Variants in KLF12 observed in about 807,000 individuals in gnomAD.
The protein encoded by KLF12 is Krueppel-like factor 12.
A neutral mutation model predicts 37.8 loss-of-function variants in KLF12; 9 were observed. The ratio of observed to expected loss-of-function variants is 0.24; its 90% CI spans 0.14 to 0.42. The LOEUF (loss-of-function observed/expected upper bound fraction) is 0.42. KLF12 is among the 10% of genes least tolerant of loss of function. KLF12 has a pLI of 1.00. For synonymous variants in KLF12, 208 were observed against 202.1 expected (o/e 1.03, Z -0.25); for missense variants, 411 against 516.0 (o/e 0.80, Z 1.97).
At chr13:73,870,905 C>T (rs1886430885) in intron 3 of KLF12, among the ~76,000 whole-genome samples, 1 of 152,100 alleles carries the variant, frequency 6.6e-6, no homozygotes, top group African/African-American at 2.4e-5. Context: ...CAGATAGTTT[C>T]TTTGGGGAAA....
intron 4 of KLF12, chr13:73,844,545 T>A: frequency 6.6e-6 from 1 of 152,204 alleles, no homozygotes; most frequent in African/African-American, 2.4e-5. Flanking sequence ...AATCATCAGA[T>A]TTTAGTTTGA....
intron 6 of KLF12, among the ~76,000 whole-genome samples, chr13:73,734,985 C>T (rs992450594): frequency 3.3e-5 from 5 of 152,088 alleles, no homozygotes; most frequent in African/African-American, 1.2e-4. Context: ...ATCCCACAAT[C>T]TCTCCCTTAA....
At chr13:74,196,855 T>C in the KLF12 span, among the ~76,000 whole-genome samples, 1 of 152,160 alleles carries the variant, frequency 6.6e-6, no homozygotes, top group Non-Finnish European at 1.5e-5. Context: ...TAATATTTGT[T>C]TAGAATTTAA....
chr13:74,001,473 G>A (rs1440566254), intron 1 of KLF12, among the ~76,000 whole-genome samples: 8 of 152,194 alleles, frequency 5.3e-5, no homozygotes, highest in Admixed American at 2.0e-4. Flanking sequence ...GCTAGGTACA[G>A]GACATTATGG....
At chr13:73,759,184 A>G (rs1004358418) in intron 6 of KLF12, among the ~76,000 whole-genome samples, 1 of 152,162 alleles carries the variant, frequency 6.6e-6, no homozygotes, top group Non-Finnish European at 1.5e-5. Context: ...CTTTGGAGAC[A>G]GCATGCTTCC....
intron 2 of KLF12, among the ~76,000 whole-genome samples, chr13:73,970,886 G>C (rs937368131): frequency 1.3e-5 from 2 of 152,050 alleles, no homozygotes; most frequent in African/African-American, 4.8e-5. Context: ...ATTTTTAATG[G>C]GTTAAATCAA....
the KLF12 span, among the ~76,000 whole-genome samples, chr13:74,252,156 T>C: frequency 0.013 from 2,022 of 152,314 alleles, 42 homozygotes; most frequent in African/African-American, 0.045. Flanking sequence ...AGTTATCCCT[T>C]AGTTGTTAAG....
chr13:73,876,307 A>C (rs148452089), intron 3 of KLF12, among the ~76,000 whole-genome samples: 2,736 of 152,272 alleles, frequency 0.018, 100 homozygotes, highest in Admixed American at 0.088. Context: ...GACTGTTTTC[A>C]GCTTTTAGTG....
intron 5 of KLF12, among the ~76,000 whole-genome samples, chr13:73,798,423 A>T (rs1158962195): frequency 6.6e-6 from 1 of 152,212 alleles, no homozygotes; most frequent in Non-Finnish European, 1.5e-5. Context: ...GACAAGTGGG[A>T]TTTAATTAAA....
At chr13:73,798,472 T>TA (rs1267742268) in intron 5 of KLF12, among the ~76,000 whole-genome samples, 1 of 151,514 alleles carries the variant, frequency 6.6e-6, no homozygotes, top group Non-Finnish European at 1.5e-5. Flanking sequence ...ATCGATGGAG[T>TA]AAAAAAACAA....
chr13:73,850,425 C>T (rs1216091214), intron 3 of KLF12, among the ~76,000 whole-genome samples: 1 of 152,124 alleles, frequency 6.6e-6, no homozygotes, highest in African/African-American at 2.4e-5. Flanking sequence ...TCCCAGAGTA[C>T]TAGATGTGTT....
rs980986456 is a variant in KLF12 at position 73,990,148 on chromosome 13, A to G, written c.33+4842T>C. ...AATTAAAAAGTTAAAGATGAAGGCC[A>G]CAGATATGGAAAATCAAGGAGAAAC... On this transcript the variant is annotated intron_variant, in intron 2 of 7. Transcript: ENST00000377669. Among the ~76,000 whole-genome samples the G allele has an allele frequency of 3.9e-5, 6 of 152,338 alleles. No individual in the cohort carries two copies. The East Asian group carries it at 9.6e-4, about 24-fold the overall frequency.
At chr13:74,059,020 A>C (rs1394443660) in intron 1 of KLF12, among the ~76,000 whole-genome samples, 1 of 152,100 alleles carries the variant, frequency 6.6e-6, no homozygotes, top group Admixed American at 6.5e-5. Flanking sequence ...TTTAGTTCCC[A>C]CTTATAAGAA....
At chr13:74,241,807 G>A in the KLF12 span, among the ~76,000 whole-genome samples, 2 of 152,280 alleles carry the variant, frequency 1.3e-5, no homozygotes, top group South Asian at 2.1e-4. Flanking sequence ...TTCGGCTCGC[G>A]CACGGTGCAT....
At chr13:74,050,166 G>A (rs116523643) in intron 1 of KLF12, among the ~76,000 whole-genome samples, 1,541 of 152,236 alleles carry the variant, frequency 0.01, 19 homozygotes, top group African/African-American at 0.031. Flanking sequence ...AAAAAAGAGT[G>A]GGGAGAGAAA....
intron 6 of KLF12, among the ~76,000 whole-genome samples, chr13:73,730,937 GT>G (rs2137803827): frequency 6.6e-6 from 1 of 152,208 alleles, no homozygotes; most frequent in Admixed American, 6.5e-5. Flanking sequence ...GTTTTGTTCT[GT>G]TTCGTTTTTT....
chr13:74,127,913 T>C (rs4488333), intron 1 of KLF12, among the ~76,000 whole-genome samples: 147,304 of 152,278 alleles, frequency 0.97, 71,434 homozygotes, highest in Middle Eastern at 1. Context: ...ATGTACTGCT[T>C]GAAATTATAG....
intron 2 of KLF12, among the ~76,000 whole-genome samples, chr13:73,955,972 C>A (rs1046099347): frequency 3.3e-5 from 5 of 152,182 alleles, no homozygotes; most frequent in African/African-American, 1.2e-4. Context: ...CTTGTCTCTT[C>A]TTGGAATTTC....
intron 2 of KLF12, among the ~76,000 whole-genome samples, chr13:73,991,130 G>A (rs1891958736): frequency 6.6e-6 from 1 of 152,112 alleles, no homozygotes; most frequent in South Asian, 2.1e-4. Context: ...TGACTTGACA[G>A]TAAAAGGAGT....
Sources: gnomAD v4.1 joint callset for allele counts (sites outside exome capture counted in the v4.1 genomes callset) on GRCh38, gnomAD v4.1.1 for gene constraint, MANE v1.5 for transcripts, NCBI Gene and HGNC (gene_info 2026-07-23, HGNC 2026-07-21) for gene names.